Variants in MYO3B observed in about 807,000 individuals in gnomAD.
MYO3B encodes myosin IIIB.
Under a neutral mutation model 174.6 loss-of-function variants are expected in MYO3B, and 156 were observed. That is an observed-to-expected ratio of 0.89 (90% CI 0.78 to 1.02). MYO3B has a LOEUF of 1.02. Among genes scored for constraint, MYO3B ranks in the 50% least tolerant of loss-of-function variants. The pLI is 0.00. For missense variants in MYO3B, 1,632 were observed against 1,639.4 expected (o/e 1.00, Z 0.08); for synonymous variants, 563 against 569.1 (o/e 0.99, Z 0.15).
chr2:170,487,004 A>G (rs1476942974), intron 25 of MYO3B, among the ~76,000 whole-genome samples: 1 of 152,212 alleles, frequency 6.6e-6, no homozygotes, highest in Non-Finnish European at 1.5e-5. Context: ...GTAGGAGTTT[A>G]TTAAAATATA....
At chr2:170,598,453 A>G (rs1694285827) in intron 32 of MYO3B, among the ~76,000 whole-genome samples, 1 of 152,176 alleles carries the variant, frequency 6.6e-6, no homozygotes. Flanking sequence ...GGCCGAAAAG[A>G]TCATTTATTT....
chr2:170,306,588 T>C (rs973311732), intron 7 of MYO3B, among the ~76,000 whole-genome samples: 4 of 152,202 alleles, frequency 2.6e-5, no homozygotes, highest in African/African-American at 9.6e-5. Context: ...TGACCGTTAG[T>C]CTGACTTGTG....
At chr2:170,460,487 CA>C (rs36000141) in intron 23 of MYO3B, among the ~76,000 whole-genome samples, 6,471 of 72,798 alleles carry the variant, frequency 0.089, 65 homozygotes, top group Middle Eastern at 0.12. Flanking sequence ...GACTCCGTCT[CA>C]AAAAAAAAAA....
intron 32 of MYO3B, chr2:170,647,015 G>A (rs933614148): frequency 4.5e-6 from 4 of 883,762 alleles, no homozygotes; most frequent in Non-Finnish European, 6.6e-6. Flanking sequence ...CCATCATATG[G>A]AACGTTTTAC....
intron 32 of MYO3B, among the ~76,000 whole-genome samples, chr2:170,610,440 T>C (rs1434365682): frequency 6.6e-6 from 1 of 152,230 alleles, no homozygotes; most frequent in Non-Finnish European, 1.5e-5. Flanking sequence ...TATGTTTACA[T>C]AGCAAGTCCA....
intron 32 of MYO3B, among the ~76,000 whole-genome samples, chr2:170,615,697 G>T (rs1459627139): frequency 6.6e-6 from 1 of 152,158 alleles, no homozygotes; most frequent in Admixed American, 6.5e-5. Context: ...AATGCAATGG[G>T]GCTCTCTCTT....
At chr2:170,229,193 A>G (rs2092987726) in intron 6 of MYO3B, among the ~76,000 whole-genome samples, 1 of 152,256 alleles carries the variant, frequency 6.6e-6, no homozygotes, top group African/African-American at 2.4e-5. Flanking sequence ...AATAACATTT[A>G]TCAATTATGC....
chr2:170,308,958 G>A (rs2093719308), intron 7 of MYO3B, among the ~76,000 whole-genome samples: 1 of 152,190 alleles, frequency 6.6e-6, no homozygotes, highest in African/African-American at 2.4e-5. Context: ...GACTGAAGAG[G>A]TTATGCCCTC....
chr2:170,488,220 C>T (rs1451453308), intron 25 of MYO3B, among the ~76,000 whole-genome samples: 2 of 152,202 alleles, frequency 1.3e-5, no homozygotes, highest in Non-Finnish European at 2.9e-5. Context: ...CCAACATGAA[C>T]ATATTCCACG....
chr2:170,643,902 A>C (rs1698169423), intron 32 of MYO3B: 1 of 152,192 alleles, frequency 6.6e-6, no homozygotes, highest in South Asian at 2.1e-4. Context: ...GTTGTCCTTC[A>C]CTTCCTTCAA....
intron 22 of MYO3B, among the ~76,000 whole-genome samples, chr2:170,425,504 G>T (rs1304950895): frequency 6.6e-6 from 1 of 152,168 alleles, no homozygotes; most frequent in Non-Finnish European, 1.5e-5. Flanking sequence ...TTAGTAGAGT[G>T]GTTCCATCTT....
chr2:170,233,821 C>G (rs185923148), intron 6 of MYO3B, among the ~76,000 whole-genome samples: 2 of 152,282 alleles, frequency 1.3e-5, no homozygotes, highest in Admixed American at 1.3e-4. Flanking sequence ...TGGAAGAGAG[C>G]AGGAATACTA....
intron 30 of MYO3B, among the ~76,000 whole-genome samples, chr2:170,522,323 C>T (rs987650450): frequency 6.6e-6 from 1 of 152,198 alleles, no homozygotes; most frequent in African/African-American, 2.4e-5. Flanking sequence ...CTCCTCCACT[C>T]ACCCTTCCCA....
At chr2:170,198,921 C>T (rs1248485754) in intron 1 of MYO3B, among the ~76,000 whole-genome samples, 2 of 152,150 alleles carry the variant, frequency 1.3e-5, no homozygotes, top group African/African-American at 2.4e-5. Flanking sequence ...ATGACCAGAA[C>T]ATCCTCTTTG....
rs74724878 is a variant in MYO3B, at chr2:170,334,987, T to C, written c.750-398T>C. The C allele has an allele frequency of 5.1e-3, 841 of 164,224 alleles. 10 individuals are homozygous for C. Among genetic ancestry groups the C allele is most frequent in the East Asian group, 0.038 (217 of 5,736 alleles). The allele number at this position is 164,224 out of a possible 1,614,324, so 10.2% of individuals were successfully genotyped here. ...TAATCCAAATGGTACCATAATGATCTGAAAATCCTGTACAATTAAACGTCT... is the reference window on the plus strand; with the variant it reads ...TAATCCAAATGGTACCATAATGATCCGAAAATCCTGTACAATTAAACGTCT... On this transcript the variant is annotated intron_variant, in intron 7 of 34. Coordinates refer to ENST00000408978, the MANE Select transcript of MYO3B (RefSeq NM_138995.5).
intron 25 of MYO3B, among the ~76,000 whole-genome samples, chr2:170,492,774 T>G (rs1407811656): frequency 6.6e-6 from 1 of 152,216 alleles, no homozygotes; most frequent in Admixed American, 6.5e-5. Flanking sequence ...ACTTTGTTTC[T>G]GGCTGTATCC....
intron 25 of MYO3B, among the ~76,000 whole-genome samples, chr2:170,487,231 G>A (rs1005740511): frequency 6.6e-6 from 1 of 152,134 alleles, no homozygotes; most frequent in African/African-American, 2.4e-5. Flanking sequence ...CACTATCTTG[G>A]TTGCTTAAGG....
At chr2:170,418,737 T>A (rs904842449) in intron 22 of MYO3B, among the ~76,000 whole-genome samples, 55 of 151,864 alleles carry the variant, frequency 3.6e-4, no homozygotes, top group African/African-American at 1.3e-3. Flanking sequence ...GAGAGTATGC[T>A]TTTCCTCCCC....
intron 17 of MYO3B, among the ~76,000 whole-genome samples, chr2:170,401,092 T>C (rs1443929109): frequency 6.6e-6 from 1 of 152,184 alleles, no homozygotes; most frequent in African/African-American, 2.4e-5. Flanking sequence ...TCCTCAAATA[T>C]GAACAACAAA....
Sources: allele counts gnomAD v4.1 joint callset (sites outside exome capture counted in the v4.1 genomes callset), GRCh38; gene constraint gnomAD v4.1.1; transcripts MANE v1.5; gene names NCBI Gene and HGNC (gene_info 2026-07-23, HGNC 2026-07-21).